Variants in ADCY3 observed in about 807,000 individuals in gnomAD.
ADCY3 encodes adenylate cyclase type 3.
ADCY3 carries 70 observed loss-of-function variants against 119.4 expected under a neutral mutation model. The observed-to-expected ratio is 0.59, with a 90% CI of 0.48 to 0.72. ADCY3 has a LOEUF of 0.72. Ranked by LOEUF, ADCY3 falls within the 30% of genes least tolerant of loss-of-function variation. The pLI is 0.00. For synonymous variants in ADCY3, 672 were observed against 621.4 expected, an observed-to-expected ratio of 1.08 and a Z score of -1.21; for missense variants, 1,238 against 1,541.6, an observed-to-expected ratio of 0.80 and a Z score of 3.30.
rs147493872 is a variant in ADCY3 at position 24,872,640 on chromosome 2, C to T, written c.755G>A (p.Arg252His). 2.2e-5 allele frequency: 35 copies of T among 1,614,200 alleles called. No individual in the cohort carries two copies. The highest frequency in any genetic ancestry group is 1.6e-4 in the Middle Eastern group (1 of 6,062). The stretch of plus-strand genomic sequence containing the variant: ...CTGGCGGGCCTCCAGGAAGGCCTTG[C>T]GGTGCTTGCGGTCAGCCATGTAGTA... ...MSYYMADRKH[R>H]KAFLEARQSL... The change falls in exon 3 of 22, where the codon CGC (arginine) becomes CAC (histidine). Residue 252 changes from arginine to histidine, a missense_variant. Arg to His is a conservative substitution (Grantham distance 29, BLOSUM62 0). Transcript: ENST00000679454. The surrounding 1 kb of genome is among the most constrained non-coding windows in gnomAD (Gnocchi z 4.4).
At chr2:24,911,402 T>C (rs1479805886) in intron 2 of ADCY3, among the ~76,000 whole-genome samples, 2 of 150,980 alleles carry the variant, frequency 1.3e-5, no homozygotes, top group Admixed American at 1.3e-4. Flanking sequence ...ATCCCAGCAC[T>C]TTGGTAGGCC....
intron 2 of ADCY3, among the ~76,000 whole-genome samples, chr2:24,905,800 C>T (rs902385515): frequency 1.2e-4 from 18 of 152,196 alleles, no homozygotes; most frequent in African/African-American, 4.3e-4. Context: ...TATTATCACA[C>T]CCATTTTGCA....
At chr2:24,839,467 C>T (rs1221626637) in intron 7 of ADCY3, among the ~76,000 whole-genome samples, 4 of 152,200 alleles carry the variant, frequency 2.6e-5, no homozygotes, top group Non-Finnish European at 4.4e-5. Flanking sequence ...AATCGCACTG[C>T]GACCTGCAAA....
intron 12 of ADCY3, 140 bp from the exon 13 acceptor site, chr2:24,830,965 C>T: frequency 1.5e-6 from 1 of 664,278 alleles, no homozygotes; most frequent in Non-Finnish European, 2.7e-6. Context: ...CACCTGACAG[C>T]TGACCAAGGG....
rs1672536847 is a variant in ADCY3, at chr2:24,853,008, GT to G, written c.826-10625del. On this transcript the variant is annotated intron_variant, in intron 3 of 21. Coordinates refer to ENST00000679454, the MANE Select transcript of ADCY3 (RefSeq NM_004036.5). The stretch of plus-strand genomic sequence containing the variant: ...TGAAGGAAAGGAACAGCTGGAGGGT[GT>G]GTGTGTGTGTGTGTGTGTGTGTGTG... Among the ~76,000 whole-genome samples, 172 of 87,580 alleles carry G rather than the reference GT, an allele frequency of 2.0e-3. 6 individuals are homozygous for G. The highest frequency in any genetic ancestry group is 4.6e-3 in the African/African-American group (153 of 33,480). The allele number at this position is 87,580 out of a possible 152,430, so 57.5% of individuals were successfully genotyped here.
chr2:24,917,998 GAAT>G (rs1385616350), intron 2 of ADCY3, among the ~76,000 whole-genome samples: 2 of 152,294 alleles, frequency 1.3e-5, no homozygotes, highest in Non-Finnish European at 2.9e-5. Flanking sequence ...CACTGACAGG[GAAT>G]GGCCAGGACA....
In ADCY3 at chr2:24,918,433, G is replaced by T. The variant is rs1664723219; in HGVS notation, c.555C>A (p.Leu185=). 6.2e-6 allele frequency: 10 copies of T among 1,613,996 alleles called. No homozygotes were observed. Among genetic ancestry groups the T allele is most frequent in the Non-Finnish European group, 8.5e-6 (10 of 1,180,030 alleles). Residue 185 remains leucine (L), a synonymous_variant, in exon 2 of 22, where the codon CTC becomes CTA. Transcript: ENST00000679454. This position sits in a 1 kb window ranked among gnomAD's most constrained non-coding sequence, Gnocchi z 5.4. ...FVFSFFITLP[L]SLSPIVIISV... is the part of the protein sequence containing the mutation. ...AGATGATCACGATGGGGCTGAGGCT[G>T]AGGGGCAGCGTGATGAAGAAGGAGA...
Position 24,878,362 on chromosome 2 carries a change from T to C in ADCY3, c.676-5643A>G, listed in dbSNP as rs978368739. Reference sequence around the variant, plus strand: ...CGTAGGGAAATGGGGCTGCTCTAAGTGGGACTGTCGAGTGGAAGTCACCCC... The same window carrying C: ...CGTAGGGAAATGGGGCTGCTCTAAGCGGGACTGTCGAGTGGAAGTCACCCC... On this transcript the variant is annotated intron_variant, in intron 2 of 21. Transcript: ENST00000679454. The surrounding 1 kb of genome is among the most constrained non-coding windows in gnomAD (Gnocchi z 4.0). Among the ~76,000 whole-genome samples the C allele has an allele frequency of 6.6e-6, 1 of 152,236 alleles. No individual in the cohort carries two copies. Among genetic ancestry groups the C allele is most frequent in the East Asian group, 1.9e-4 (1 of 5,154 alleles).
intron 3 of ADCY3, among the ~76,000 whole-genome samples, chr2:24,848,852 G>C (rs888859122): frequency 6.6e-6 from 1 of 152,214 alleles, no homozygotes; most frequent in Non-Finnish European, 1.5e-5. Context: ...GCCAGGGTCA[G>C]CACAAACCCT....
chr2:24,868,411 C>T (rs1674565421), intron 3 of ADCY3, among the ~76,000 whole-genome samples: 2 of 152,168 alleles, frequency 1.3e-5, no homozygotes, highest in South Asian at 2.1e-4. Context: ...TGGGGGCTCA[C>T]GCCTGTAATC....
chr2:24,888,448 C>T (rs1019367684), intron 2 of ADCY3, among the ~76,000 whole-genome samples: 1 of 152,212 alleles, frequency 6.6e-6, no homozygotes, highest in Non-Finnish European at 1.5e-5. Context: ...GACCGACTAC[C>T]TCCCAGCCCA....
At chr2:24,869,781 G>T (rs986502099) in intron 3 of ADCY3, among the ~76,000 whole-genome samples, 9 of 152,048 alleles carry the variant, frequency 5.9e-5, no homozygotes, top group Non-Finnish European at 8.8e-5. Flanking sequence ...AAACTATCAG[G>T]GGTTAGAAAC....
Position 24,834,396 on chromosome 2 carries a change from C to T in ADCY3, c.1967+89G>A. ...CAGAGACTGGCTTGCTCCCCAATGT[C>T]AGGCTCCCGCTGAGACACCTGCCCC... is the stretch of plus-strand genomic sequence containing the variant. On this transcript the variant is annotated intron_variant, in intron 11 of 21. Transcript: ENST00000679454. This position sits in a 1 kb window ranked among gnomAD's most constrained non-coding sequence, Gnocchi z 4.2. 8.0e-7 allele frequency: 1 copy of T among 1,257,500 alleles called. No individual in the cohort carries two copies. The highest frequency in any genetic ancestry group is 1.4e-5 in the South Asian group (1 of 72,946). The allele number at this position is 1,257,500 out of a possible 1,614,324, so 77.9% of individuals were successfully genotyped here.
chr2:24,890,808 G>C (rs1454175481), intron 2 of ADCY3, among the ~76,000 whole-genome samples: 1 of 151,764 alleles, frequency 6.6e-6, no homozygotes, highest in Non-Finnish European at 1.5e-5. Context: ...TCTGGATCTA[G>C]TTTTTCTACT....
At chr2:24,882,381 C>T (rs1275189815) in intron 2 of ADCY3, among the ~76,000 whole-genome samples, 3 of 152,140 alleles carry the variant, frequency 2.0e-5, no homozygotes, top group Non-Finnish European at 2.9e-5. Flanking sequence ...ACACTTGGCC[C>T]GTCTCTGGGA....
chr2:24,860,058 A>T (rs1199732378), intron 3 of ADCY3, among the ~76,000 whole-genome samples: 1 of 152,212 alleles, frequency 6.6e-6, no homozygotes. Flanking sequence ...AAGGAAGCAT[A>T]GGCCTGCCCC....
In ADCY3 at chr2:24,822,424, TTC is replaced by T. The variant is rs1667915596; in HGVS notation, c.3003+85_3003+86del. ...TGTCTGGGACCACTTTGCACAGCAGTTCTTATTTCCCCCATGCTAGGTCTGGG... is the reference window on the plus strand; with the variant it reads ...TGTCTGGGACCACTTTGCACAGCAGTTTATTTCCCCCATGCTAGGTCTGGG... On this transcript the variant is annotated intron_variant, in intron 19 of 21. Coordinates refer to ENST00000679454, the MANE Select transcript of ADCY3 (RefSeq NM_004036.5). 1.9e-6 allele frequency: 3 copies of T among 1,563,328 alleles called. No individual in the cohort carries two copies. The Middle Eastern group carries it at 6.8e-4, about 355-fold the overall frequency.
intron 3 of ADCY3, among the ~76,000 whole-genome samples, chr2:24,860,852 A>G (rs1228924746): frequency 6.6e-6 from 1 of 152,082 alleles, no homozygotes; most frequent in Non-Finnish European, 1.5e-5. Flanking sequence ...CCTACACCTC[A>G]CTTCACAGCA....
chr2:24,894,670 A>G lies in ADCY3; in HGVS notation c.676-21951T>C, dbSNP rs140143951. Among the ~76,000 whole-genome samples, 1,045 of 151,882 alleles carry G rather than the reference A, an allele frequency of 6.9e-3. 9 individuals carry two copies. Among genetic ancestry groups the G allele is most frequent in the African/African-American group, 0.024 (995 of 41,376 alleles). Reference sequence around the variant, plus strand: ...TTAAAAATGAGAAAAGATAACTTTCATATGTTTCCATATAATTTACCATTT... The same window carrying G: ...TTAAAAATGAGAAAAGATAACTTTCGTATGTTTCCATATAATTTACCATTT... On this transcript the variant is annotated intron_variant, in intron 2 of 21. Coordinates refer to ENST00000679454, the MANE Select transcript of ADCY3 (RefSeq NM_004036.5).
Sources: allele counts gnomAD v4.1 joint callset (sites outside exome capture counted in the v4.1 genomes callset), GRCh38; gene constraint gnomAD v4.1.1; non-coding constraint Gnocchi (gnomAD v3.1); transcripts MANE v1.5; gene names NCBI Gene and HGNC (gene_info 2026-07-23, HGNC 2026-07-21).